The following IGF2BP3 variants were observed in gnomAD, a reference collection of about 807,000 sequenced individuals.
IGF2BP3 encodes the protein insulin-like growth factor 2 mRNA-binding protein 3.
A neutral mutation model predicts 73.8 loss-of-function variants in IGF2BP3; 9 were observed. The ratio of observed to expected loss-of-function variants is 0.12; its 90% CI spans 0.07 to 0.21. The LOEUF is 0.21. Ranked by LOEUF, IGF2BP3 falls within the 10% of genes least tolerant of loss-of-function variation. IGF2BP3 has a pLI of 1.00. For synonymous variants in IGF2BP3, 258 were observed against 256.7 expected, an observed-to-expected ratio of 1.01 and a Z score of -0.05; for missense variants, 542 against 714.0, an observed-to-expected ratio of 0.76 and a Z score of 2.75.
At chr7:23,335,359 T>C (rs1784547944) in intron 10 of IGF2BP3, among the ~76,000 whole-genome samples, 1 of 151,944 alleles carries the variant, frequency 6.6e-6, no homozygotes, top group Non-Finnish European at 1.5e-5. Flanking sequence ...CACGGATCAC[T>C]GCAGCCTTGA....
intron 3 of IGF2BP3, among the ~76,000 whole-genome samples, chr7:23,407,995 C>T (rs1403398123): frequency 4.7e-5 from 7 of 150,074 alleles, no homozygotes; most frequent in African/African-American, 1.5e-4. Context: ...TCATTTACAG[C>T]CTAAAAACTA....
At chr7:23,375,188 G>A (rs891793405) in intron 3 of IGF2BP3, among the ~76,000 whole-genome samples, 1 of 152,034 alleles carries the variant, frequency 6.6e-6, no homozygotes, top group African/African-American at 2.4e-5. Context: ...AACTGAGGTC[G>A]ATTTTAAGTA....
At chr7:23,380,614 C>A (rs961536872) in intron 3 of IGF2BP3, among the ~76,000 whole-genome samples, 3 of 152,238 alleles carry the variant, frequency 2.0e-5, no homozygotes, top group African/African-American at 7.2e-5. Flanking sequence ...TTCTAGGACA[C>A]AATCCCTGAT....
At chr7:23,456,219 GAA>G (rs34926256) in intron 2 of IGF2BP3, among the ~76,000 whole-genome samples, 18 of 146,036 alleles carry the variant, frequency 1.2e-4, no homozygotes, top group Admixed American at 2.1e-4. Flanking sequence ...AAACCAGCTG[GAA>G]AAAAAAAAAA....
intron 5 of IGF2BP3, among the ~76,000 whole-genome samples, chr7:23,358,995 G>A (rs1201106408): frequency 6.6e-6 from 1 of 152,162 alleles, no homozygotes; most frequent in Non-Finnish European, 1.5e-5. Flanking sequence ...CTGAATATTA[G>A]AACAAAGGAC....
At chr7:23,351,609 G>A in intron 5 of IGF2BP3, 23 bp from the exon 6 acceptor site, 1 of 1,612,868 alleles carries the variant, frequency 6.2e-7, no homozygotes, top group East Asian at 2.2e-5. Flanking sequence ...AAGGGGCAGG[G>A]GTGGGAAAAG....
chr7:23,449,791 G>A (rs1359678619), intron 2 of IGF2BP3, among the ~76,000 whole-genome samples: 2 of 151,712 alleles, frequency 1.3e-5, no homozygotes, highest in South Asian at 2.1e-4. Flanking sequence ...TCGAACTCCC[G>A]ACCTCAAGTG....
At chr7:23,383,901 C>A (rs955477335) in intron 3 of IGF2BP3, among the ~76,000 whole-genome samples, 2 of 151,840 alleles carry the variant, frequency 1.3e-5, no homozygotes, top group Admixed American at 6.6e-5. Context: ...TCGAGACCAT[C>A]CTGGCTAACA....
chr7:23,379,653 C>A (rs1785844880), intron 3 of IGF2BP3, among the ~76,000 whole-genome samples: 1 of 152,172 alleles, frequency 6.6e-6, no homozygotes, highest in Non-Finnish European at 1.5e-5. Flanking sequence ...CACAGAAGCT[C>A]TATTCACCAA....
intron 3 of IGF2BP3, among the ~76,000 whole-genome samples, chr7:23,367,860 A>G (rs1785425587): frequency 6.6e-6 from 1 of 152,010 alleles, no homozygotes; most frequent in South Asian, 2.1e-4. Context: ...AATTAGCTGG[A>G]CATGGTGGCA....
At chr7:23,342,220 C>T (rs1284037712) in intron 9 of IGF2BP3, 31 bp from the exon 10 acceptor site, 15 of 1,610,828 alleles carry the variant, frequency 9.3e-6, no homozygotes, top group Non-Finnish European at 1.3e-5. Flanking sequence ...CTTAATTTGA[C>T]AATTAAAAGA....
At position 23,424,709 on chromosome 7, in the gene IGF2BP3, A is replaced by AC. The variant is rs571969687; in HGVS notation, c.237-5886dup. On this transcript the variant is annotated intron_variant, in intron 2 of 14. Transcript: ENST00000258729. ...AGACAACCCTGGGCAACAAAATGAG[A>AC]CCCCCCACACCGGCCCTGCCTATCT... Among the ~76,000 whole-genome samples the AC allele has an allele frequency of 1.2e-3, 176 of 151,846 alleles. 1 individual carries two copies. Among genetic ancestry groups the AC allele is most frequent in the African/African-American group, 3.4e-3 (141 of 41,372 alleles).
chr7:23,467,192 A>C (rs1242281449), intron 2 of IGF2BP3, among the ~76,000 whole-genome samples: 6 of 152,242 alleles, frequency 3.9e-5, no homozygotes, highest in African/African-American at 1.4e-4. Flanking sequence ...AGAACAAGAA[A>C]AATCCAAACC....
At chr7:23,348,900 A>C (rs1294512297) in intron 6 of IGF2BP3, among the ~76,000 whole-genome samples, 3 of 152,190 alleles carry the variant, frequency 2.0e-5, no homozygotes. Flanking sequence ...ATGTTTTTGA[A>C]AATGTGGTAA....
Position 23,433,486 on chromosome 7 carries a change from ATTTT to A in IGF2BP3, c.237-14666_237-14663del, listed in dbSNP as rs568295259. Among the ~76,000 whole-genome samples, 57 of 142,934 alleles carry A rather than the reference ATTTT, an allele frequency of 4.0e-4. No individual in the cohort carries two copies. The East Asian group carries it at 0.011, about 27-fold the overall frequency. 93.8% of individuals were successfully genotyped at this position (142,934 alleles called of 152,430 possible). A position where few individuals can be genotyped will look rare whatever the true frequency, so the allele number is the denominator to read the frequency against. On this transcript the variant is annotated intron_variant, in intron 2 of 14. Coordinates refer to ENST00000258729, the MANE Select transcript of IGF2BP3 (RefSeq NM_006547.3). ...TATATTAGGTTGTATATAATAACTA[ATTTT>A]TTTTTTTTTTTTGAGACAGGGTTTT... is the stretch of plus-strand genomic sequence containing the variant.
At chr7:23,436,707 C>G (rs1787815705) in intron 2 of IGF2BP3, among the ~76,000 whole-genome samples, 1 of 152,132 alleles carries the variant, frequency 6.6e-6, no homozygotes, top group Non-Finnish European at 1.5e-5. Flanking sequence ...TCCTATACCA[C>G]AAAAAAACTA....
chr7:23,343,404 A>G (rs1194204014), intron 9 of IGF2BP3, among the ~76,000 whole-genome samples: 1 of 152,218 alleles, frequency 6.6e-6, no homozygotes, highest in Non-Finnish European at 1.5e-5. Flanking sequence ...CATTTCTTCT[A>G]TATTAAACTC....
intron 5 of IGF2BP3, among the ~76,000 whole-genome samples, chr7:23,355,694 A>T (rs1323558253): frequency 6.6e-6 from 1 of 152,158 alleles, no homozygotes. Context: ...ACACTTCGGG[A>T]GACCAAGATG....
rs557467066 is a variant in IGF2BP3 at position 23,412,842 on chromosome 7, C to CTTTTTTTTTT, written c.285+5924_285+5933dup. ...GAAATCCTTTCCTTAAGACTCTGGC[C>CTTTTTTTTTT]TTTTTTTTTTTTTTTTTTTTTTTTT... On this transcript the variant is annotated intron_variant, in intron 3 of 14. Transcript: ENST00000258729. 6.5e-4 allele frequency among the ~76,000 whole-genome samples: 24 copies of CTTTTTTTTTT among 37,018 alleles called. 5 individuals are homozygous for CTTTTTTTTTT. Among genetic ancestry groups the CTTTTTTTTTT allele is most frequent in the Admixed American group, 1.5e-3 (3 of 2,058 alleles). The allele number at this position is 37,018 out of a possible 152,430, so 24.3% of individuals were successfully genotyped here. A position where few individuals can be genotyped will look rare whatever the true frequency, so the allele number is the denominator to read the frequency against.
Sources: gnomAD v4.1 joint callset for allele counts (sites outside exome capture counted in the v4.1 genomes callset) on GRCh38, gnomAD v4.1.1 for gene constraint, MANE v1.5 for transcripts, NCBI Gene and HGNC (gene_info 2026-07-23, HGNC 2026-07-21) for gene names.